Variants in RAI14 observed in about 807,000 individuals in gnomAD.
RAI14 encodes the protein ankycorbin.
A neutral mutation model predicts 115.4 loss-of-function variants in RAI14; 45 were observed. That is an observed-to-expected ratio of 0.39 (90% CI 0.31 to 0.50). RAI14 has a LOEUF of 0.50. RAI14 is among the 20% of genes least tolerant of loss of function. RAI14 has a pLI of 0.85. For synonymous variants in RAI14, 371 were observed against 415.4 expected (o/e 0.89, Z 1.30); for missense variants, 939 against 1,131.2 (o/e 0.83, Z 2.44).
intron 1 of RAI14, among the ~76,000 whole-genome samples, chr5:34,681,038 ACT>A (rs1256201240): frequency 1.3e-5 from 2 of 152,068 alleles, no homozygotes; most frequent in South Asian, 4.1e-4. Context: ...CAGCAACATA[ACT>A]CACAGCATAG....
intron 2 of RAI14, among the ~76,000 whole-genome samples, chr5:34,704,352 G>A (rs1486303421): frequency 1.3e-5 from 2 of 152,328 alleles, no homozygotes; most frequent in East Asian, 1.9e-4. Flanking sequence ...TGTCCTGTTT[G>A]TCTTTCCTAA....
At chr5:34,715,696 C>T (rs1484514537) in intron 2 of RAI14, among the ~76,000 whole-genome samples, 2 of 152,204 alleles carry the variant, frequency 1.3e-5, no homozygotes, top group African/African-American at 4.8e-5. Flanking sequence ...TCTCACCCTT[C>T]ATGTGTTACC....
chr5:34,750,992 AC>A (rs1395665740), intron 2 of RAI14, among the ~76,000 whole-genome samples: 2 of 150,990 alleles, frequency 1.3e-5, no homozygotes, highest in African/African-American at 4.9e-5. Context: ...AGCGGGGATT[AC>A]AGGCTACGCC....
intron 2 of RAI14, among the ~76,000 whole-genome samples, chr5:34,729,634 T>C (rs1743932750): frequency 1.3e-5 from 2 of 152,010 alleles, no homozygotes; most frequent in Non-Finnish European, 2.9e-5. Flanking sequence ...ATACTGAAGA[T>C]AGGAAAACAT....
At chr5:34,721,441 A>T (rs1742744959) in intron 2 of RAI14, among the ~76,000 whole-genome samples, 1 of 151,866 alleles carries the variant, frequency 6.6e-6, no homozygotes, top group African/African-American at 2.4e-5. Flanking sequence ...CAAGGATCTC[A>T]CATCATGCCT....
intron 3 of RAI14, among the ~76,000 whole-genome samples, chr5:34,787,262 C>T (rs957043904): frequency 2.0e-5 from 3 of 152,290 alleles, no homozygotes; most frequent in Non-Finnish European, 1.5e-5. Context: ...TCAGTATGTA[C>T]CCATTAGTAT....
At chr5:34,815,955 G>C (rs575541968) in intron 12 of RAI14, among the ~76,000 whole-genome samples, 2 of 152,230 alleles carry the variant, frequency 1.3e-5, no homozygotes, top group Admixed American at 6.5e-5. Flanking sequence ...CAAAAATAAG[G>C]TGTGGAAGTT....
chr5:34,730,973 A>T (rs1366341516), intron 2 of RAI14, among the ~76,000 whole-genome samples: 1 of 152,210 alleles, frequency 6.6e-6, no homozygotes, highest in Non-Finnish European at 1.5e-5. Context: ...AACAAGAGTG[A>T]AACTCCATTT....
In RAI14 at chr5:34,755,725, G is replaced by C. The variant is rs143673237; in HGVS notation, c.37-1743G>C. On this transcript the variant is annotated intron_variant, in intron 2 of 17. Coordinates refer to ENST00000265109, the MANE Select transcript of RAI14 (RefSeq NM_015577.3). ...CTGGTTAAGAATCACTGGCTTTGTG[G>C]CTATAGTATTTGAAAGCCCAGATAA... 6.4e-4 allele frequency among the ~76,000 whole-genome samples: 98 copies of C among 152,290 alleles called. 1 individual carries two copies. In the East Asian group the frequency reaches 0.016, roughly 25 times the overall value.
intron 3 of RAI14, among the ~76,000 whole-genome samples, chr5:34,775,790 G>A: frequency 6.6e-6 from 1 of 152,084 alleles, no homozygotes; most frequent in East Asian, 1.9e-4. Context: ...AAGGATATGG[G>A]GAAAAGGGAA....
rs114642247 is a variant in RAI14 at position 34,757,524 on chromosome 5, T to G, written c.93T>G (p.Asp31Glu). The change falls in exon 3 of 18, where the codon GAT becomes GAG. Residue 31 changes from aspartate to glutamate, a missense_variant. Asp to Glu is a conservative substitution (Grantham distance 45, BLOSUM62 2). Transcript: ENST00000265109. The stretch of plus-strand genomic sequence containing the variant: ...TACTGCAGGCCGTGGAGAATGGAGA[T>G]GCGGAGAAGGTGGCCTCACTGCTCG... The part of the protein sequence containing the change: ...DRLLQAVENG[D>E]AEKVASLLGK... 5.1e-4 allele frequency: 827 copies of G among 1,613,970 alleles called. 4 individuals are homozygous for G. The African/African-American group carries it at 9.2e-3, about 18-fold the overall frequency.
chr5:34,750,215 C>T (rs1279885558), intron 2 of RAI14, among the ~76,000 whole-genome samples: 1 of 152,092 alleles, frequency 6.6e-6, no homozygotes, highest in Non-Finnish European at 1.5e-5. Context: ...CACGGATGAC[C>T]ACCTAGAAGT....
intron 3 of RAI14, among the ~76,000 whole-genome samples, chr5:34,767,591 G>GCCCCCACCCCCCCCACCACCCCCACCA (rs1749572790): frequency 1.7e-5 from 2 of 116,750 alleles, no homozygotes; most frequent in African/African-American, 3.3e-5. Flanking sequence ...CACCGCCACC[G>GCCCCCACCCCCCCCACCACCCCCACCA]CCCCCACCAC....
chr5:34,700,121 T>G (rs1044209092), intron 2 of RAI14, among the ~76,000 whole-genome samples: 1 of 152,114 alleles, frequency 6.6e-6, no homozygotes, highest in Non-Finnish European at 1.5e-5. Flanking sequence ...TGTTTTAAAA[T>G]AACAAAAAGT....
chr5:34,670,841 C>G (rs1743562184), intron 1 of RAI14, among the ~76,000 whole-genome samples: 1 of 152,174 alleles, frequency 6.6e-6, no homozygotes, highest in African/African-American at 2.4e-5. Context: ...CACCAGAGAA[C>G]TTGTGTTGCT....
rs146616019 is a variant in RAI14, at chr5:34,764,537, T to TTCTCTCTC, written c.167+6966_167+6973dup. Among the ~76,000 whole-genome samples, 7 of 71,752 alleles carry TTCTCTCTC rather than the reference T, an allele frequency of 9.8e-5. No individual in the cohort carries two copies. The East Asian group carries it at 2.3e-3, about 24-fold the overall frequency. The allele number at this position is 71,752 out of a possible 152,430, so 47.1% of individuals were successfully genotyped here. On this transcript the variant is annotated intron_variant, in intron 3 of 17. Transcript: ENST00000265109. Reference sequence around the variant, plus strand: ...AAGGCCCAGGAAGCACAGGTGAATTTTCTCTCTCTCTCTCTCTCTCTCTCT... The same window carrying TTCTCTCTC: ...AAGGCCCAGGAAGCACAGGTGAATTTTCTCTCTCTCTCTCTCTCTCTCTCTCTCTCTCT...
At chr5:34,811,659 G>C in intron 8 of RAI14, 108 bp from the exon 9 acceptor site, 3 of 969,404 alleles carry the variant, frequency 3.1e-6, no homozygotes, top group Non-Finnish European at 4.5e-6. Flanking sequence ...TGTAATAAAG[G>C]TTTAACTGCA....
At chr5:34,757,692 C>T in intron 3 of RAI14, 94 bp downstream of exon 3, 1 of 1,416,192 alleles carries the variant, frequency 7.1e-7, no homozygotes, top group Non-Finnish European at 9.4e-7. Flanking sequence ...TTCACACGTG[C>T]TCCCTCTCCA....
intron 4 of RAI14, among the ~76,000 whole-genome samples, chr5:34,797,893 G>T (rs1263532861): frequency 6.6e-6 from 1 of 152,122 alleles, no homozygotes; most frequent in African/African-American, 2.4e-5. Flanking sequence ...TGAATAAACT[G>T]GTGCCGTCAC....
Sources: gnomAD v4.1 joint callset for allele counts (sites outside exome capture counted in the v4.1 genomes callset) on GRCh38, gnomAD v4.1.1 for gene constraint, MANE v1.5 for transcripts, NCBI Gene and HGNC (gene_info 2026-07-23, HGNC 2026-07-21) for gene names.